Variants in SYTL2 observed in about 807,000 individuals in gnomAD.
SYTL2 encodes synaptotagmin like 2, also known as synaptotagmin-like protein 2.
SYTL2 carries 165 observed loss-of-function variants against 198.7 expected under a neutral mutation model. That is an observed-to-expected ratio of 0.83 (90% CI 0.73 to 0.94). The LOEUF (loss-of-function observed/expected upper bound fraction) is 0.94, where lower values mean the gene tolerates loss of function less well. Ranked by LOEUF, SYTL2 falls within the 40% of genes least tolerant of loss-of-function variation. The probability of loss-of-function intolerance (pLI) is 0.00; values close to 1 mark genes in which losing one functional copy is unlikely to be tolerated. For synonymous variants in SYTL2, 966 were observed against 917.7 expected, an observed-to-expected ratio of 1.05 and a Z score of -0.95; for missense variants, 2,835 against 2,582.8, an observed-to-expected ratio of 1.10 and a Z score of -2.12.
rs183667359 is a variant in SYTL2 at position 85,742,608 on chromosome 11, T to C, written c.389+3029A>G. Among the ~76,000 whole-genome samples, 596 of 152,358 alleles carry C rather than the reference T, an allele frequency of 3.9e-3. 1 individual carries two copies. The highest frequency in any genetic ancestry group is 4.6e-3 in the Non-Finnish European group (315 of 68,038). Reference sequence around the variant, plus strand: ...GGAGGCTATGTGCTGAAGAACTATTTATAGCAAACATGATCGACGGGCTTA... The same window carrying C: ...GGAGGCTATGTGCTGAAGAACTATTCATAGCAAACATGATCGACGGGCTTA... On this transcript the variant is annotated intron_variant, in intron 4 of 19. Transcript: ENST00000359152.
intron 2 of SYTL2, among the ~76,000 whole-genome samples, chr11:85,755,453 C>A (rs1203684538): frequency 6.6e-6 from 1 of 152,134 alleles, no homozygotes; most frequent in Non-Finnish European, 1.5e-5. Context: ...CATTTAGTCA[C>A]AAAAGCAAAA....
chr11:85,765,981 T>C (rs2092228652), intron 1 of SYTL2, among the ~76,000 whole-genome samples: 1 of 152,104 alleles, frequency 6.6e-6, no homozygotes, highest in African/African-American at 2.4e-5. Flanking sequence ...GTATGTCAGC[T>C]ACTAATAAAG....
intron 7 of SYTL2, 92 bp from the exon 8 acceptor site, chr11:85,728,059 T>C (rs759495323): frequency 5.2e-6 from 6 of 1,144,686 alleles, no homozygotes; most frequent in Non-Finnish European, 7.3e-6. Context: ...AAGCACTTTG[T>C]ATTTGCACTT....
intron 4 of SYTL2, among the ~76,000 whole-genome samples, chr11:85,740,918 C>T (rs77904461): frequency 0.01 from 1,563 of 152,302 alleles, 16 homozygotes; most frequent in Non-Finnish European, 0.017. Context: ...GTTTTACAGC[C>T]GTTTTAAAAT....
At chr11:85,794,866 C>T (rs1252941408) in intron 1 of SYTL2, among the ~76,000 whole-genome samples, 1 of 151,822 alleles carries the variant, frequency 6.6e-6, no homozygotes, top group East Asian at 1.9e-4. Flanking sequence ...AAGTAGATCC[C>T]TTCATCATTT....
intron 7 of SYTL2, chr11:85,733,594 G>GTTTT (rs11383912): frequency 0.067 from 7,055 of 105,972 alleles, 351 homozygotes; most frequent in Non-Finnish European, 0.1. Flanking sequence ...TTTTTTTTTT[G>GTTTT]TTTTTTTTTT....
At chr11:85,696,769 A>C (rs1441639204) in intron 18 of SYTL2, among the ~76,000 whole-genome samples, 1 of 152,250 alleles carries the variant, frequency 6.6e-6, no homozygotes, top group Non-Finnish European at 1.5e-5. Context: ...GCATTTAGTA[A>C]GTGCTTAATA....
At chr11:85,747,983 C>A (rs1344019061) in intron 3 of SYTL2, among the ~76,000 whole-genome samples, 1 of 152,080 alleles carries the variant, frequency 6.6e-6, no homozygotes, top group Non-Finnish European at 1.5e-5. Context: ...GAGTTAAAAG[C>A]CAAAGAAGAG....
the SYTL2 span, among the ~76,000 whole-genome samples, chr11:85,852,380 G>A: frequency 8.2e-4 from 124 of 151,606 alleles, no homozygotes; most frequent in Non-Finnish European, 1.4e-3. Flanking sequence ...CTCTCCCCAC[G>A]GTCTCCCTCT....
At chr11:85,768,851 A>G (rs2092298613) in intron 1 of SYTL2, among the ~76,000 whole-genome samples, 1 of 152,164 alleles carries the variant, frequency 6.6e-6, no homozygotes, top group South Asian at 2.1e-4. Flanking sequence ...TTTCCATCTT[A>G]GGCCTGGACC....
chr11:85,824,379 T>C, the SYTL2 span, among the ~76,000 whole-genome samples: 1 of 152,060 alleles, frequency 6.6e-6, no homozygotes, highest in African/African-American at 2.4e-5. Flanking sequence ...TCATTCAAAA[T>C]GACATACCAT....
chr11:85,842,878 G>C, the SYTL2 span, among the ~76,000 whole-genome samples: 1 of 152,226 alleles, frequency 6.6e-6, no homozygotes, highest in Non-Finnish European at 1.5e-5. Flanking sequence ...CTAGGGAGGA[G>C]GCAGTGAAGA....
chr11:85,823,792 G>A, the SYTL2 span, among the ~76,000 whole-genome samples: 5 of 152,212 alleles, frequency 3.3e-5, no homozygotes, highest in African/African-American at 7.2e-5. Context: ...ATTTTACTCC[G>A]GGTTACTTCT....
At position 85,757,837 on chromosome 11, in the gene SYTL2, G is replaced by C. The variant is rs543129010; in HGVS notation, c.-112C>G. The C allele has an allele frequency of 5.4e-6, 8 of 1,490,958 alleles. 1 individual carries two copies. The South Asian group carries it at 9.7e-5, about 18-fold the overall frequency. The allele number at this position is 1,490,958 out of a possible 1,614,324, so 92.4% of individuals were successfully genotyped here. A position where few individuals can be genotyped will look rare whatever the true frequency, so the allele number is the denominator to read the frequency against. ...AAAACACACAAAAATGAAATATCTT[G>C]TTCAGTTCTGCATCAAAGTCTTATT... is the stretch of plus-strand genomic sequence containing the variant. On this transcript the variant is annotated 5_prime_UTR_variant, in exon 2 of 20. Coordinates refer to ENST00000359152, the MANE Select transcript of SYTL2 (RefSeq NM_206927.4).
chr11:85,736,427 A>G, intron 6 of SYTL2, 74 bp downstream of exon 6: 1 of 747,970 alleles, frequency 1.3e-6, no homozygotes, highest in Non-Finnish European at 2.2e-6. Flanking sequence ...TTTGAGCAAA[A>G]GGAACTCTGA....
Position 85,711,123 on chromosome 11 carries a change from G to A in SYTL2, c.5735C>T (p.Ser1912Phe), listed in dbSNP as rs746175986. The A allele has an allele frequency of 6.2e-7, 1 of 1,614,048 alleles. No homozygotes were observed. Among genetic ancestry groups the A allele is most frequent in the Non-Finnish European group, 8.5e-7 (1 of 1,179,958 alleles). Reference sequence around the variant, plus strand: ...CCTTTGTTTACATACAGAAGACAAGGACGTCATGCCAGAGGAGCTGCTAAG... The same window carrying A: ...CCTTTGTTTACATACAGAAGACAAGAACGTCATGCCAGAGGAGCTGCTAAG... ...TNLSSSSGMT[S>F]LSSVSGSVMS... The change falls in exon 13 of 20, where the codon TCC becomes TTC. Residue 1912 changes from serine (S) to phenylalanine (F), a missense_variant. Physicochemically the swap from Ser to Phe is radical, Grantham distance 155. Transcript: ENST00000359152.
At chr11:85,786,808 G>A (rs1286056830) in intron 1 of SYTL2, among the ~76,000 whole-genome samples, 2 of 152,168 alleles carry the variant, frequency 1.3e-5, no homozygotes, top group Non-Finnish European at 2.9e-5. Context: ...AATATTTCAG[G>A]ACTCTTATCT....
the SYTL2 span, among the ~76,000 whole-genome samples, chr11:85,846,734 A>ATT: frequency 0.15 from 19,945 of 131,136 alleles, 1,664 homozygotes; most frequent in Middle Eastern, 0.19. Flanking sequence ...GGTTGAAACT[A>ATT]TTTTTTTTTT....
At chr11:85,789,312 A>ATGTG (rs1233743341) in intron 1 of SYTL2, among the ~76,000 whole-genome samples, 1 of 92,886 alleles carries the variant, frequency 1.1e-5, no homozygotes, top group African/African-American at 4.2e-5. Flanking sequence ...TATTTATATG[A>ATGTG]TGTGTGTGTG....
Sources: allele counts gnomAD v4.1 joint callset (sites outside exome capture counted in the v4.1 genomes callset), GRCh38; gene constraint gnomAD v4.1.1; transcripts MANE v1.5; gene names NCBI Gene and HGNC (gene_info 2026-07-23, HGNC 2026-07-21).